Variants in TACR1 observed in about 807,000 individuals in gnomAD.
The protein encoded by TACR1 is tachykinin receptor 1, also known as substance-P receptor.
Under a neutral mutation model 35.8 loss-of-function variants are expected in TACR1, and 25 were observed. That is an observed-to-expected ratio of 0.70 (90% CI 0.51 to 0.98). The LOEUF (loss-of-function observed/expected upper bound fraction) is 0.98, where lower values mean the gene tolerates loss of function less well. TACR1 is among the 50% of genes least tolerant of loss of function. The pLI is 0.00. For missense variants in TACR1, 478 were observed against 522.9 expected, an observed-to-expected ratio of 0.91 and a Z score of 0.84; for synonymous variants, 195 against 206.7, an observed-to-expected ratio of 0.94 and a Z score of 0.48.
In TACR1 at chr2:75,117,996, T is replaced by C. The variant is rs541542902; in HGVS notation, c.584+2578A>G. Among the ~76,000 whole-genome samples the C allele has an allele frequency of 2.6e-5, 4 of 152,326 alleles. No homozygotes were observed. In the South Asian group the frequency reaches 8.3e-4, roughly 32 times the overall value. On this transcript the variant is annotated intron_variant, in intron 2 of 4. Coordinates refer to ENST00000305249, the MANE Select transcript of TACR1 (RefSeq NM_001058.4). The stretch of plus-strand genomic sequence containing the variant: ...CTCAGAGCCTTAAATTGCTTGACCA[T>C]TATGACTCAGCTAGAGAGTGATGGG...
intron 1 of TACR1, among the ~76,000 whole-genome samples, chr2:75,171,105 T>C (rs919341454): frequency 2.0e-5 from 3 of 152,170 alleles, no homozygotes; most frequent in African/African-American, 7.2e-5. Flanking sequence ...CTGCAGCCCC[T>C]CCCATCACAA....
At chr2:75,060,368 C>G (rs985313970) in intron 2 of TACR1, among the ~76,000 whole-genome samples, 1 of 152,132 alleles carries the variant, frequency 6.6e-6, no homozygotes, top group African/African-American at 2.4e-5. Flanking sequence ...AGATATTCAA[C>G]CAAGCTGGTC....
intron 4 of TACR1, 62 bp from the exon 5 acceptor site, chr2:75,049,785 C>A (rs992383875): frequency 2.0e-6 from 3 of 1,523,982 alleles, no homozygotes; most frequent in Non-Finnish European, 8.9e-7. Flanking sequence ...GGCTGCCCAC[C>A]ACTGCATCAG....
chr2:75,146,515 TGAA>T (rs1674517653), intron 1 of TACR1, among the ~76,000 whole-genome samples: 1 of 152,140 alleles, frequency 6.6e-6, no homozygotes, highest in Admixed American at 6.5e-5. Flanking sequence ...AAGATAAGGA[TGAA>T]GAAGAGTCCG....
chr2:75,149,530 G>C (rs1314683992), intron 1 of TACR1, among the ~76,000 whole-genome samples: 1 of 151,932 alleles, frequency 6.6e-6, no homozygotes, highest in East Asian at 1.9e-4. Flanking sequence ...TCATGATTTG[G>C]CTCTCTGCTT....
chr2:75,192,577 T>C (rs1042088622), intron 1 of TACR1, among the ~76,000 whole-genome samples: 1 of 152,206 alleles, frequency 6.6e-6, no homozygotes, highest in African/African-American at 2.4e-5. Flanking sequence ...TCTTGTGTGA[T>C]AGGACTCTTA....
intron 1 of TACR1, among the ~76,000 whole-genome samples, chr2:75,190,847 C>T (rs973377538): frequency 2.0e-5 from 3 of 152,110 alleles, no homozygotes; most frequent in Non-Finnish European, 2.9e-5. Flanking sequence ...TTAAAGGGTG[C>T]GCTCATACAA....
Position 75,120,757 on chromosome 2 carries a change from A to G in TACR1, c.401T>C (p.Ile134Thr). ...CAGCCGGGGCTGGAGGGGATGTATG[A>G]TGGCCATGTACCTGGAACAGAGAAG... ...TAVAFDRYMA[I>T]IHPLQPRLSA... Residue 134 changes from isoleucine (I) to threonine (T), a missense_variant, in exon 2 of 5, where the codon ATC (isoleucine) becomes ACC (threonine). By Grantham distance (89) the Ile-to-Thr change is moderately conservative. Transcript: ENST00000305249. The G allele has an allele frequency of 1.2e-6, 2 of 1,612,076 alleles. No individual in the cohort carries two copies. The highest frequency in any genetic ancestry group is 1.7e-6 in the Non-Finnish European group (2 of 1,179,234).
intron 1 of TACR1, among the ~76,000 whole-genome samples, chr2:75,170,801 G>C (rs1484209152): frequency 3.3e-5 from 5 of 152,190 alleles, no homozygotes; most frequent in Admixed American, 1.3e-4. Context: ...GAACTTGAGA[G>C]AGATGATTTA....
intron 2 of TACR1, among the ~76,000 whole-genome samples, chr2:75,065,410 T>C (rs982014880): frequency 1.3e-5 from 2 of 152,238 alleles, no homozygotes; most frequent in African/African-American, 2.4e-5. Flanking sequence ...GCTCTGAGTA[T>C]CAGTGGGTAC....
intron 1 of TACR1, among the ~76,000 whole-genome samples, chr2:75,144,388 A>ATATATGTTGCTTG: frequency 6.6e-6 from 1 of 152,170 alleles, no homozygotes; most frequent in African/African-American, 2.4e-5. Flanking sequence ...CTATGTTGCC[A>ATATATGTTGCTTG]CAAACTGAAG....
chr2:75,112,797 A>G (rs895890004), intron 2 of TACR1, among the ~76,000 whole-genome samples: 1 of 152,220 alleles, frequency 6.6e-6, no homozygotes, highest in African/African-American at 2.4e-5. Context: ...TTGAAGAAAT[A>G]TAATAACAGA....
rs537447037 is a variant in TACR1 at position 75,074,681 on chromosome 2, G to A, written c.585-20926C>T. Among the ~76,000 whole-genome samples, 264 of 151,988 alleles carry A rather than the reference G, an allele frequency of 1.7e-3. 1 individual carries two copies. The highest frequency in any genetic ancestry group is 6.3e-3 in the African/African-American group (260 of 41,324). On this transcript the variant is annotated intron_variant, in intron 2 of 4. Coordinates refer to ENST00000305249, the MANE Select transcript of TACR1 (RefSeq NM_001058.4). ...ATTAAGGAATGGCCCCTGAAGGCAG[G>A]GATTTTTTTTTTCTTCCAGGCAAGA... is the stretch of plus-strand genomic sequence containing the variant.
At chr2:75,110,391 A>G (rs974152641) in intron 2 of TACR1, among the ~76,000 whole-genome samples, 1 of 151,998 alleles carries the variant, frequency 6.6e-6, no homozygotes, top group South Asian at 2.1e-4. Flanking sequence ...ATTTATTTTC[A>G]GTATAGATAA....
intron 4 of TACR1, 72 bp downstream of exon 4, chr2:75,051,179 A>T (rs1672460272): frequency 6.3e-7 from 1 of 1,597,842 alleles, no homozygotes; most frequent in African/African-American, 1.3e-5. Context: ...CTCATTTAGG[A>T]TGGCCGCTTG....
intron 2 of TACR1, among the ~76,000 whole-genome samples, chr2:75,086,242 C>T (rs1214387192): frequency 6.6e-6 from 1 of 152,040 alleles, no homozygotes; most frequent in African/African-American, 2.4e-5. Flanking sequence ...GAGAGCATAG[C>T]CCTAGGCTAT....
At chr2:75,095,269 GGCACACCC>G (rs1226272318) in intron 2 of TACR1, among the ~76,000 whole-genome samples, 3 of 152,138 alleles carry the variant, frequency 2.0e-5, no homozygotes, top group Non-Finnish European at 4.4e-5. Context: ...CTTGGGTGGT[GGCACACCC>G]GCACATGATT....
chr2:75,124,034 G>A (rs1674024264), intron 1 of TACR1, among the ~76,000 whole-genome samples: 2 of 152,182 alleles, frequency 1.3e-5, no homozygotes, highest in South Asian at 4.1e-4. Context: ...TCAATGAAAC[G>A]TCTTTCTGGT....
intron 2 of TACR1, chr2:75,091,014 C>T (rs1673298935): frequency 6.6e-6 from 1 of 151,992 alleles, no homozygotes. Context: ...AAGGCAGCCA[C>T]TCTCTGTCCA....
Sources: allele counts gnomAD v4.1 joint callset (sites outside exome capture counted in the v4.1 genomes callset), GRCh38; gene constraint gnomAD v4.1.1; transcripts MANE v1.5; gene names NCBI Gene and HGNC (gene_info 2026-07-23, HGNC 2026-07-21).